Variants in AGPS observed in about 807,000 individuals in gnomAD.
AGPS encodes the protein alkylglycerone phosphate synthase.
AGPS carries 26 observed loss-of-function variants against 90.7 expected under a neutral mutation model. That is an observed-to-expected ratio of 0.29 (90% CI 0.21 to 0.40). AGPS has a LOEUF of 0.40. Ranked by LOEUF, AGPS falls within the 10% of genes least tolerant of loss-of-function variation. The probability of loss-of-function intolerance (pLI) is 1.00; values close to 1 mark genes in which losing one functional copy is unlikely to be tolerated. For missense variants in AGPS, 540 were observed against 816.1 expected (o/e 0.66, Z 4.12); for synonymous variants, 294 against 285.3 (o/e 1.03, Z -0.31).
chr2:177,425,507 G>A (rs993722704), intron 2 of AGPS, among the ~76,000 whole-genome samples: 8 of 151,166 alleles, frequency 5.3e-5, no homozygotes, highest in Middle Eastern at 3.2e-3. Context: ...TATAATCCCA[G>A]CTACTCATGA....
At chr2:177,490,946 C>G (rs1482939490) in intron 11 of AGPS, among the ~76,000 whole-genome samples, 4 of 150,308 alleles carry the variant, frequency 2.7e-5, no homozygotes, top group African/African-American at 7.4e-5. Context: ...ACCTCCGCCT[C>G]CTAGGTTCAA....
At position 177,421,529 on chromosome 2, in the gene AGPS, A is replaced by G. The variant is rs139633993; in HGVS notation, c.350+1171A>G. Among the ~76,000 whole-genome samples the G allele has an allele frequency of 6.8e-3, 1,031 of 152,194 alleles. 11 individuals are homozygous for G. Among genetic ancestry groups the G allele is most frequent in the African/African-American group, 0.024 (979 of 41,552 alleles). On this transcript the variant is annotated intron_variant, in intron 2 of 19. Transcript: ENST00000264167. ...TGAAAGTAATTTTAATGAAGTTCTG[A>G]AGATGTACATTTGACTTTTTTTTTA...
At chr2:177,412,333 T>A (rs1191374118) in intron 1 of AGPS, among the ~76,000 whole-genome samples, 1 of 152,084 alleles carries the variant, frequency 6.6e-6, no homozygotes. Context: ...TGTACCATGA[T>A]GTCAACCGGC....
At chr2:177,432,364 G>A (rs979055457) in intron 2 of AGPS, among the ~76,000 whole-genome samples, 5 of 152,242 alleles carry the variant, frequency 3.3e-5, no homozygotes, top group African/African-American at 1.2e-4. Flanking sequence ...TAGTCACTGT[G>A]ATTCAACAAT....
intron 1 of AGPS, among the ~76,000 whole-genome samples, chr2:177,397,885 G>A (rs1685230898): frequency 6.6e-6 from 1 of 152,100 alleles, no homozygotes; most frequent in South Asian, 2.1e-4. Flanking sequence ...AAGAAAGTTA[G>A]CCTGGTGTGG....
intron 17 of AGPS, among the ~76,000 whole-genome samples, chr2:177,519,356 T>A (rs1252866406): frequency 6.6e-6 from 1 of 152,162 alleles, no homozygotes; most frequent in Admixed American, 6.5e-5. Context: ...CTTTTCCCAA[T>A]CCGACCTATC....
At chr2:177,466,833 G>A (rs1009120336) in intron 9 of AGPS, among the ~76,000 whole-genome samples, 3 of 152,170 alleles carry the variant, frequency 2.0e-5, no homozygotes, top group African/African-American at 7.2e-5. Flanking sequence ...GCCCCCAAGA[G>A]TGTAGAGATG....
chr2:177,500,968 T>C (rs1245798782), intron 14 of AGPS, among the ~76,000 whole-genome samples: 3 of 152,178 alleles, frequency 2.0e-5, no homozygotes, highest in Admixed American at 2.0e-4. Flanking sequence ...ACCCGTTTTT[T>C]AGTTTCTAAG....
At chr2:177,475,225 G>C (rs1687746563) in intron 10 of AGPS, among the ~76,000 whole-genome samples, 1 of 152,198 alleles carries the variant, frequency 6.6e-6, no homozygotes, top group Middle Eastern at 3.2e-3. Context: ...AGAGTGGAAA[G>C]AATGACAGAT....
At chr2:177,528,243 C>T (rs1574035209) in intron 19 of AGPS, among the ~76,000 whole-genome samples, 1 of 152,202 alleles carries the variant, frequency 6.6e-6, no homozygotes, top group Non-Finnish European at 1.5e-5. Flanking sequence ...AGCCTCCTAA[C>T]TGGTCTTTCT....
chr2:177,404,598 A>T (rs1449617366), intron 1 of AGPS, among the ~76,000 whole-genome samples: 1 of 152,140 alleles, frequency 6.6e-6, no homozygotes, highest in African/African-American at 2.4e-5. Flanking sequence ...CCATTAATCC[A>T]TTCTTTTTTC....
chr2:177,487,463 T>A (rs57733896), intron 11 of AGPS, among the ~76,000 whole-genome samples: 15,511 of 152,150 alleles, frequency 0.1, 1,159 homozygotes, highest in East Asian at 0.34. Flanking sequence ...GATGAAGGTT[T>A]GGGGTTTTTT....
chr2:177,474,726 C>T (rs769256043), intron 10 of AGPS, among the ~76,000 whole-genome samples: 11 of 152,206 alleles, frequency 7.2e-5, no homozygotes, highest in Non-Finnish European at 1.6e-4. Context: ...TTGCTCATCA[C>T]ATTTAGAGCC....
At position 177,467,245 on chromosome 2, in the gene AGPS, A is replaced by G. The variant is rs79970229; in HGVS notation, c.997-1171A>G. The stretch of plus-strand genomic sequence containing the variant: ...CTGCTCTTTAAATTATGTCATCAAT[A>G]TATTAACATGTAAATGAACAGGTTT... On this transcript the variant is annotated intron_variant, in intron 9 of 19. Transcript: ENST00000264167. 4.9e-3 allele frequency among the ~76,000 whole-genome samples: 747 copies of G among 152,338 alleles called. 1 individual carries two copies. The highest frequency in any genetic ancestry group is 0.017 in the African/African-American group (709 of 41,576).
At chr2:177,488,947 A>G (rs758406040) in intron 11 of AGPS, among the ~76,000 whole-genome samples, 4 of 152,082 alleles carry the variant, frequency 2.6e-5, no homozygotes, top group Non-Finnish European at 4.4e-5. Context: ...TGTTGAATTT[A>G]TTTTGCTGGT....
chr2:177,410,761 A>G (rs1685597367), intron 1 of AGPS, among the ~76,000 whole-genome samples: 1 of 151,950 alleles, frequency 6.6e-6, no homozygotes, highest in African/African-American at 2.4e-5. Context: ...GGTCAAGCAT[A>G]CCCGGGGCTC....
chr2:177,452,973 C>T (rs995160443), intron 8 of AGPS, among the ~76,000 whole-genome samples: 10 of 151,742 alleles, frequency 6.6e-5, no homozygotes, highest in African/African-American at 1.2e-4. Flanking sequence ...GTTAACCTTT[C>T]CTATACCCTT....
chr2:177,407,731 C>T (rs1685505656), intron 1 of AGPS, among the ~76,000 whole-genome samples: 1 of 150,776 alleles, frequency 6.6e-6, no homozygotes, highest in African/African-American at 2.4e-5. Flanking sequence ...GATGGAAGCA[C>T]AGCAAGAAGT....
chr2:177,393,314 A>G lies in AGPS; in HGVS notation c.260+265A>G, dbSNP rs570178843. ...CTCTCGTTGGAGAAGGGTTTAAAGG[A>G]TTCCTTTTTCCTGAGCTTTTAGTGC... On this transcript the variant is annotated intron_variant, in intron 1 of 19. Transcript: ENST00000264167. 7 of 985,418 alleles carry G rather than the reference A, an allele frequency of 7.1e-6. No homozygotes were observed. The South Asian group carries it at 2.8e-4, about 40-fold the overall frequency. 61.0% of individuals were successfully genotyped at this position (985,418 alleles called of 1,614,324 possible). A position where few individuals can be genotyped will look rare whatever the true frequency, so the allele number is the denominator to read the frequency against.
Sources: allele counts gnomAD v4.1 joint callset (sites outside exome capture counted in the v4.1 genomes callset), GRCh38; gene constraint gnomAD v4.1.1; transcripts MANE v1.5; gene names NCBI Gene and HGNC (gene_info 2026-07-23, HGNC 2026-07-21).